Variants in FMNL2 observed in about 807,000 individuals in gnomAD.
FMNL2 encodes formin-like protein 2.
Under a neutral mutation model 130.2 loss-of-function variants are expected in FMNL2, and 51 were observed. The observed-to-expected ratio is 0.39, with a 90% CI of 0.31 to 0.49. The LOEUF is 0.49. Among genes scored for constraint, FMNL2 ranks in the 20% least tolerant of loss-of-function variants. FMNL2 has a pLI of 0.85. For missense variants in FMNL2, 977 were observed against 1,316.2 expected (o/e 0.74, Z 3.99); for synonymous variants, 465 against 467.1 (o/e 1.00, Z 0.06).
chr2:152,637,254 C>G (rs188885168), intron 22 of FMNL2, among the ~76,000 whole-genome samples: 1 of 152,302 alleles, frequency 6.6e-6, no homozygotes, highest in Admixed American at 6.5e-5. Context: ...TTTGGAAACT[C>G]CTGTAAGAAA....
intron 4 of FMNL2, among the ~76,000 whole-genome samples, chr2:152,556,085 G>A (rs1037969624): frequency 3.3e-5 from 5 of 152,024 alleles, no homozygotes; most frequent in African/African-American, 4.8e-5. Flanking sequence ...ATTGAAAATG[G>A]CCAGTTCTCT....
At chr2:152,559,096 A>C (rs1233318746) in intron 5 of FMNL2, among the ~76,000 whole-genome samples, 1 of 152,254 alleles carries the variant, frequency 6.6e-6, no homozygotes, top group African/African-American at 2.4e-5. Context: ...TAAGTTACAT[A>C]TATGGAAGAA....
At chr2:152,645,729 G>GTATT (rs35891679) in intron 25 of FMNL2, among the ~76,000 whole-genome samples, 20,617 of 152,082 alleles carry the variant, frequency 0.14, 1,692 homozygotes, top group Middle Eastern at 0.26. Context: ...TTGGGCAAGG[G>GTATT]TATTTGCTGA....
chr2:152,372,846 T>G (rs977458069), intron 1 of FMNL2, among the ~76,000 whole-genome samples: 2 of 152,208 alleles, frequency 1.3e-5, no homozygotes, highest in Non-Finnish European at 2.9e-5. Context: ...TCTGTTTTGG[T>G]TGGCTGATAA....
At chr2:152,556,882 C>A (rs1212641172) in intron 4 of FMNL2, among the ~76,000 whole-genome samples, 1 of 151,936 alleles carries the variant, frequency 6.6e-6, no homozygotes, top group Non-Finnish European at 1.5e-5. Flanking sequence ...ATCTGCCCCC[C>A]TCCCCCCGCC....
intron 1 of FMNL2, among the ~76,000 whole-genome samples, chr2:152,384,596 G>T (rs565170882): frequency 8.5e-5 from 13 of 152,284 alleles, no homozygotes; most frequent in African/African-American, 2.2e-4. Context: ...CTGAGTGAAA[G>T]AGCATCCTTC....
rs759897006 is a variant in FMNL2 at position 152,335,751 on chromosome 2, A to C, written c.117+31A>C. The stretch of plus-strand genomic sequence containing the variant: ...TGCGCGGCGGCGGTCGGGCGCGGGG[A>C]CCCGGGGCCCCGGGCCGGGCGGCGC... On this transcript the variant is annotated intron_variant, in intron 1 of 25. Transcript: ENST00000288670. 533 of 1,511,048 alleles carry C rather than the reference A, an allele frequency of 3.5e-4. 1 individual carries two copies. The highest frequency in any genetic ancestry group is 4.5e-4 in the Non-Finnish European group (508 of 1,124,626). 93.6% of individuals were successfully genotyped at this position (1,511,048 alleles called of 1,614,324 possible). A position where few individuals can be genotyped will look rare whatever the true frequency, so the allele number is the denominator to read the frequency against.
intron 1 of FMNL2, among the ~76,000 whole-genome samples, chr2:152,442,501 G>C (rs1394888351): frequency 6.6e-6 from 1 of 151,776 alleles, no homozygotes; most frequent in Admixed American, 6.6e-5. Flanking sequence ...CACCCACCTT[G>C]GCCTCCCTAA....
chr2:152,372,221 T>C (rs571480457), intron 1 of FMNL2, among the ~76,000 whole-genome samples: 2 of 152,346 alleles, frequency 1.3e-5, no homozygotes, highest in South Asian at 2.1e-4. Flanking sequence ...ATTAGCCTGT[T>C]ACCTTTGTTG....
chr2:152,492,479 A>T (rs1028940934), intron 1 of FMNL2, among the ~76,000 whole-genome samples: 1 of 152,174 alleles, frequency 6.6e-6, no homozygotes, highest in Admixed American at 6.5e-5. Flanking sequence ...TTGTCATTAC[A>T]GTTTTGGCTT....
At chr2:152,445,723 T>C (rs1301704113) in intron 1 of FMNL2, among the ~76,000 whole-genome samples, 1 of 152,178 alleles carries the variant, frequency 6.6e-6, no homozygotes, top group Non-Finnish European at 1.5e-5. Context: ...TCTTACAAGT[T>C]CCCAGGTGAT....
In FMNL2 at chr2:152,635,150, GCTTTTTCAC is replaced by G. The variant is rs1682485730; in HGVS notation, c.2681-1272_2681-1264del. On this transcript the variant is annotated intron_variant, in intron 21 of 25. Transcript: ENST00000288670. The stretch of plus-strand genomic sequence containing the variant: ...AGCTTATAAGGCACCCACTTACCAA[GCTTTTTCAC>G]CTTTCAAATTTGCTTTAAAAGACTG... 2.0e-5 allele frequency among the ~76,000 whole-genome samples: 3 copies of G among 152,172 alleles called. No individual in the cohort carries two copies. In the South Asian group the frequency reaches 6.2e-4, roughly 32 times the overall value.
At chr2:152,589,959 A>G (rs1224618742) in intron 9 of FMNL2, among the ~76,000 whole-genome samples, 7 of 12,906 alleles carry the variant, frequency 5.4e-4, no homozygotes, top group Admixed American at 1.2e-3. Context: ...ATATATATAT[A>G]TATATATATA....
At chr2:152,639,723 T>G (rs1682919142) in intron 23 of FMNL2, among the ~76,000 whole-genome samples, 1 of 152,016 alleles carries the variant, frequency 6.6e-6, no homozygotes, top group Non-Finnish European at 1.5e-5. Flanking sequence ...CAGGGAGCGA[T>G]CATCAGGAAA....
At chr2:152,605,921 G>A (rs1698337163) in intron 9 of FMNL2, among the ~76,000 whole-genome samples, 1 of 152,170 alleles carries the variant, frequency 6.6e-6, no homozygotes, top group Admixed American at 6.5e-5. Flanking sequence ...AGAACAGGAA[G>A]TCATTCATCG....
chr2:152,399,533 C>T (rs1339390790), intron 1 of FMNL2, among the ~76,000 whole-genome samples: 2 of 152,104 alleles, frequency 1.3e-5, no homozygotes, highest in East Asian at 3.9e-4. Flanking sequence ...AACCTACCTG[C>T]CAGTGTCAAG....
intron 9 of FMNL2, among the ~76,000 whole-genome samples, chr2:152,607,016 T>TTTTTTTTTTTTTTTG (rs1559003213): frequency 7.1e-6 from 1 of 141,376 alleles, no homozygotes; most frequent in Admixed American, 7.3e-5. Flanking sequence ...GTTTTTTTTT[T>TTTTTTTTTTTTTTTG]TTTTTTTTAC....
At chr2:152,538,035 CTG>C (rs1694093018) in intron 2 of FMNL2, among the ~76,000 whole-genome samples, 1 of 152,176 alleles carries the variant, frequency 6.6e-6, no homozygotes, top group African/African-American at 2.4e-5. Context: ...ATGTGATAAA[CTG>C]TGAAGTATCA....
intron 1 of FMNL2, among the ~76,000 whole-genome samples, chr2:152,431,766 G>A (rs1687503335): frequency 6.6e-6 from 1 of 151,938 alleles, no homozygotes; most frequent in African/African-American, 2.4e-5. Flanking sequence ...AGGAGTTGGA[G>A]ACCAGCCCGG....
Sources: allele counts gnomAD v4.1 joint callset (sites outside exome capture counted in the v4.1 genomes callset), GRCh38; gene constraint gnomAD v4.1.1; transcripts MANE v1.5; gene names NCBI Gene and HGNC (gene_info 2026-07-23, HGNC 2026-07-21).